Variants in KCNQ1 observed in about 807,000 individuals in gnomAD.
KCNQ1 encodes potassium voltage-gated channel subfamily Q member 1, also known as potassium voltage-gated channel subfamily KQT member 1.
In KCNQ1, 49 loss-of-function variants were observed where a neutral mutation model predicts 72.4. The observed-to-expected ratio is 0.68, with a 90% CI of 0.54 to 0.86. KCNQ1 has a LOEUF of 0.86. Among genes scored for constraint, KCNQ1 ranks in the 40% least tolerant of loss-of-function variants. KCNQ1 has a pLI of 0.00. For synonymous variants in KCNQ1, 450 were observed against 412.6 expected (o/e 1.09, Z -1.10); for missense variants, 790 against 945.1 (o/e 0.84, Z 2.15).
intron 11 of KCNQ1, chr11:2,684,124 G>A (rs1444864221): frequency 2.5e-6 from 1 of 398,442 alleles, no homozygotes; most frequent in Non-Finnish European, 4.4e-6. Flanking sequence ...TTCTTAAGGG[G>A]ACCGTTTCCC....
intron 11 of KCNQ1, among the ~76,000 whole-genome samples, chr11:2,738,656 G>C (rs1845998228): frequency 6.6e-6 from 1 of 152,228 alleles, no homozygotes; most frequent in Admixed American, 6.5e-5. Flanking sequence ...AGAGGGGCCT[G>C]TGCGGTTCCT....
chr11:2,471,687 G>GGT lies in KCNQ1; in HGVS notation c.386+26207_386+26208dup, dbSNP rs1220797167. 1.3e-5 allele frequency among the ~76,000 whole-genome samples: 2 copies of GGT among 150,160 alleles called. No homozygotes were observed. The highest frequency in any genetic ancestry group is 3.0e-5 in the Non-Finnish European group (2 of 67,552). ...GTGCATGGGTGTGCACATGTGTATG[G>GGT]GTGTGCATGTGTGTATAGGTGTGTG... On this transcript the variant is annotated intron_variant, in intron 1 of 15. Coordinates refer to ENST00000155840, the MANE Select transcript of KCNQ1 (RefSeq NM_000218.3). The surrounding 1 kb of genome is among the most constrained non-coding windows in gnomAD (Gnocchi z 4.8).
rs1180968814 is a variant in KCNQ1, at chr11:2,645,651, G to A, written c.1394-16310G>A. ...CTTTCCTCATGGCAGCCTTGCTTCG[G>A]AGGTAGCAGAGTATTGCCAATGGCT... On this transcript the variant is annotated intron_variant, in intron 10 of 15. Coordinates refer to ENST00000155840, the MANE Select transcript of KCNQ1 (RefSeq NM_000218.3). This position sits in a 1 kb window ranked among gnomAD's most constrained non-coding sequence, Gnocchi z 5.8. 2.5e-6 allele frequency: 1 copy of A among 398,640 alleles called. No individual in the cohort carries two copies. The highest frequency in any genetic ancestry group is 4.4e-6 in the Non-Finnish European group (1 of 226,184). 24.7% of individuals were successfully genotyped at this position (398,640 alleles called of 1,614,324 possible).
In KCNQ1 at chr11:2,724,759, G is replaced by A. The variant is rs151040898; in HGVS notation, c.1515-44085G>A. ...GGCAACAGAACCAGGGCTCAGAGTT[G>A]GGGGAAGGGGCCAGTTCACCCACAG... On this transcript the variant is annotated intron_variant, in intron 11 of 15. Transcript: ENST00000155840. The surrounding 1 kb of genome is among the most constrained non-coding windows in gnomAD (Gnocchi z 6.8). Among the ~76,000 whole-genome samples, 409 of 152,324 alleles carry A rather than the reference G, an allele frequency of 2.7e-3. 1 individual carries two copies. The highest frequency in any genetic ancestry group is 0.014 in the Middle Eastern group (4 of 294).
chr11:2,449,305 G>C (rs1295059820), intron 1 of KCNQ1, among the ~76,000 whole-genome samples: 1 of 152,250 alleles, frequency 6.6e-6, no homozygotes, highest in Admixed American at 6.5e-5. Flanking sequence ...GGTACTGGGG[G>C]CAGGAGGGTC....
intron 11 of KCNQ1, among the ~76,000 whole-genome samples, chr11:2,742,492 G>A (rs1846072499): frequency 6.6e-6 from 1 of 152,218 alleles, no homozygotes; most frequent in Non-Finnish European, 1.5e-5. Context: ...CTCATGTGGT[G>A]GATTCATCCC....
At position 2,783,865 on chromosome 11, in the gene KCNQ1, G is replaced by C. The variant is rs1179463451; in HGVS notation, c.1794+5828G>C. 6.6e-6 allele frequency among the ~76,000 whole-genome samples: 1 copy of C among 151,952 alleles called. No individual in the cohort carries two copies. Among genetic ancestry groups the C allele is most frequent in the Non-Finnish European group, 1.5e-5 (1 of 67,870 alleles). On this transcript the variant is annotated intron_variant, in intron 15 of 15. Coordinates refer to ENST00000155840, the MANE Select transcript of KCNQ1 (RefSeq NM_000218.3). The surrounding 1 kb of genome is among the most constrained non-coding windows in gnomAD (Gnocchi z 5.2). ...AAGTAGTCTGTTCTATTATTGAGTT[G>C]CAAGGGTTTTTTATATGTTCTGGAT...
At chr11:2,643,583 G>A (rs1182213829) in intron 10 of KCNQ1, 5 of 398,316 alleles carry the variant, frequency 1.3e-5, no homozygotes, top group Non-Finnish European at 2.2e-5. Context: ...ATTTAGATGG[G>A]TCATGTTTTT....
chr11:2,564,343 C>T lies in KCNQ1; in HGVS notation c.478-6285C>T, dbSNP rs1171523253. The stretch of plus-strand genomic sequence containing the variant: ...GCGCGGTGACTCATGCCTGCAATCC[C>T]AGCACTTTGGAAGGCTGAGGCGGGC... On this transcript the variant is annotated intron_variant, in intron 2 of 15. Transcript: ENST00000155840. This position sits in a 1 kb window ranked among gnomAD's most constrained non-coding sequence, Gnocchi z 4.5. 2.0e-5 allele frequency among the ~76,000 whole-genome samples: 3 copies of T among 152,188 alleles called. No individual in the cohort carries two copies. Among genetic ancestry groups the T allele is most frequent in the Non-Finnish European group, 4.4e-5 (3 of 68,032 alleles).
chr11:2,550,183 G>A lies in KCNQ1; in HGVS notation c.478-20445G>A, dbSNP rs796516375. Among the ~76,000 whole-genome samples the A allele has an allele frequency of 2.4e-4, 37 of 152,332 alleles. No individual in the cohort carries two copies. The highest frequency in any genetic ancestry group is 5.9e-4 in the Admixed American group (9 of 15,310). Reference sequence around the variant, plus strand: ...GATGGACATCCCGCAGGCAGTGCACGTCCCTCCCCCGCCTCTCTTTGCCGT... The same window carrying A: ...GATGGACATCCCGCAGGCAGTGCACATCCCTCCCCCGCCTCTCTTTGCCGT... On this transcript the variant is annotated intron_variant, in intron 2 of 15. Coordinates refer to ENST00000155840, the MANE Select transcript of KCNQ1 (RefSeq NM_000218.3). This position sits in a 1 kb window ranked among gnomAD's most constrained non-coding sequence, Gnocchi z 6.0.
rs923957439 is a variant in KCNQ1, at chr11:2,724,659, C to T, written c.1515-44185C>T. Among the ~76,000 whole-genome samples, 9 of 152,342 alleles carry T rather than the reference C, an allele frequency of 5.9e-5. No homozygotes were observed. The South Asian group carries it at 6.2e-4, about 11-fold the overall frequency. ...CAAGCCTTGCCCTTCCCTCTCACTT[C>T]GCTCCCCAGGAGGCGACACTGTGAT... On this transcript the variant is annotated intron_variant, in intron 11 of 15. Coordinates refer to ENST00000155840, the MANE Select transcript of KCNQ1 (RefSeq NM_000218.3). This position sits in a 1 kb window ranked among gnomAD's most constrained non-coding sequence, Gnocchi z 6.8.
chr11:2,770,514 C>T (rs924440052), intron 12 of KCNQ1, among the ~76,000 whole-genome samples: 2 of 152,204 alleles, frequency 1.3e-5, no homozygotes, highest in Admixed American at 1.3e-4. Flanking sequence ...AGGGGGGTTT[C>T]GCATGCACAG....
chr11:2,570,567 G>A, intron 2 of KCNQ1, 61 bp from the exon 3 acceptor site: 1 of 1,603,010 alleles, frequency 6.2e-7, no homozygotes, highest in Non-Finnish European at 8.5e-7. Flanking sequence ...ACAGGTTGCA[G>A]GGTCTGAAGC....
At position 2,691,631 on chromosome 11, in the gene KCNQ1, G is replaced by A. The variant is rs181409796; in HGVS notation, c.1514+29550G>A. 22 of 398,560 alleles carry A rather than the reference G, an allele frequency of 5.5e-5. No homozygotes were observed. In the East Asian group the frequency reaches 7.8e-4, roughly 14 times the overall value. The allele number at this position is 398,560 out of a possible 1,614,324, so 24.7% of individuals were successfully genotyped here. A position where few individuals can be genotyped will look rare whatever the true frequency, so the allele number is the denominator to read the frequency against. ...TTGTTCCCTGCACGTACTGTGGGGA[G>A]GTCCTCTTTACCGCCACAGTTCCAA... On this transcript the variant is annotated intron_variant, in intron 11 of 15. Transcript: ENST00000155840. This position sits in a 1 kb window ranked among gnomAD's most constrained non-coding sequence, Gnocchi z 6.4.
rs114624103 is a variant in KCNQ1, at chr11:2,517,534, G to A, written c.387-10394G>A. 3.0e-3 allele frequency among the ~76,000 whole-genome samples: 450 copies of A among 152,314 alleles called. 3 individuals are homozygous for A. Among genetic ancestry groups the A allele is most frequent in the African/African-American group, 0.01 (422 of 41,562 alleles). On this transcript the variant is annotated intron_variant, in intron 1 of 15. Transcript: ENST00000155840. ...CTCTCTGTCTGGCAGGACTCAGGCA[G>A]AATGGAAGTAAAGGCAGGACCTTGT... is the stretch of plus-strand genomic sequence containing the variant.
intron 10 of KCNQ1, chr11:2,641,812 A>G (rs1225848621): frequency 2.5e-6 from 1 of 398,294 alleles, no homozygotes; most frequent in Non-Finnish European, 4.4e-6. Flanking sequence ...AGTTGATTTT[A>G]GTATAGCAAG....
Position 2,549,463 on chromosome 11 carries a change from C to T in KCNQ1, c.478-21165C>T, listed in dbSNP as rs954010316. On this transcript the variant is annotated intron_variant, in intron 2 of 15. Coordinates refer to ENST00000155840, the MANE Select transcript of KCNQ1 (RefSeq NM_000218.3). The surrounding 1 kb of genome is among the most constrained non-coding windows in gnomAD (Gnocchi z 6.2). ...ATTTTCTACCTCAAAGCGATGGAAC[C>T]CAGAAGACATGGGGCCCTCGAGGAG... 2.0e-5 allele frequency among the ~76,000 whole-genome samples: 3 copies of T among 152,124 alleles called. No homozygotes were observed. The highest frequency in any genetic ancestry group is 7.2e-5 in the African/African-American group (3 of 41,410).
rs759714698 is a variant in KCNQ1 at position 2,661,955 on chromosome 11, C to A, written c.1394-6C>A. ...CTAACGTGCTGTCCCCACACTTTCT[C>A]CTCAGTAAGGAAGAGCCCAACACTG... On this transcript the variant is annotated splice_region_variant and splice_polypyrimidine_tract_variant and intron_variant, in intron 10 of 15. Coordinates refer to ENST00000155840, the MANE Select transcript of KCNQ1 (RefSeq NM_000218.3). The surrounding 1 kb of genome is among the most constrained non-coding windows in gnomAD (Gnocchi z 5.9). The A allele has an allele frequency of 5.0e-6, 8 of 1,614,076 alleles. No homozygotes were observed. Among genetic ancestry groups the A allele is most frequent in the Non-Finnish European group, 6.8e-6 (8 of 1,180,046 alleles).
chr11:2,517,197 C>T (rs895663592), intron 1 of KCNQ1, among the ~76,000 whole-genome samples: 12 of 152,292 alleles, frequency 7.9e-5, no homozygotes, highest in African/African-American at 1.7e-4. Flanking sequence ...CCAGGAGCCC[C>T]GTGCGCAGCT....
Sources: allele counts gnomAD v4.1 joint callset (sites outside exome capture counted in the v4.1 genomes callset), GRCh38; gene constraint gnomAD v4.1.1; non-coding constraint Gnocchi (gnomAD v3.1); transcripts MANE v1.5; gene names NCBI Gene and HGNC (gene_info 2026-07-23, HGNC 2026-07-21).